Variants in GLOD4 observed in about 807,000 individuals in gnomAD.
GLOD4 encodes glyoxalase domain-containing protein 4.
GLOD4 carries 44 observed loss-of-function variants against 39.1 expected under a neutral mutation model. The observed-to-expected ratio is 1.13, with a 90% CI of 0.88 to 1.45. The LOEUF (loss-of-function observed/expected upper bound fraction) is 1.45. Among genes scored for constraint, GLOD4 ranks in the 40% most tolerant of loss-of-function variants. GLOD4 has a pLI of 0.00. For synonymous variants in GLOD4, 145 were observed against 135.0 expected, an observed-to-expected ratio of 1.07 and a Z score of -0.52; for missense variants, 405 against 366.4, an observed-to-expected ratio of 1.11 and a Z score of -0.86.
At chr17:767,565 AAC>A (rs1439693139) in intron 8 of GLOD4, among the ~76,000 whole-genome samples, 23 of 150,834 alleles carry the variant, frequency 1.5e-4, no homozygotes, top group East Asian at 2.0e-4. Context: ...AAGAGAGAGA[AAC>A]AGCGCACACT....
intron 1 of GLOD4, among the ~76,000 whole-genome samples, chr17:781,396 T>C (rs1301170932): frequency 6.6e-6 from 1 of 152,176 alleles, no homozygotes; most frequent in Non-Finnish European, 1.5e-5. Context: ...CCATGAGCTC[T>C]AATGGAGGAT....
At chr17:769,229 T>C (rs1416607084) in intron 8 of GLOD4, among the ~76,000 whole-genome samples, 3 of 142,120 alleles carry the variant, frequency 2.1e-5, no homozygotes, top group Non-Finnish European at 4.5e-5. Flanking sequence ...GATGGAGGCA[T>C]CTCCACGGGG....
At chr17:760,399 T>G (rs1475794147) in intron 8 of GLOD4, among the ~76,000 whole-genome samples, 161 bp from the exon 9 acceptor site, 1 of 151,930 alleles carries the variant, frequency 6.6e-6, no homozygotes, top group African/African-American at 2.4e-5. Flanking sequence ...TAAAAAAAAT[T>G]TTTTAACATT....
intron 8 of GLOD4, among the ~76,000 whole-genome samples, chr17:761,507 CTTTT>C (rs529154159): frequency 6.6e-6 from 1 of 152,142 alleles, no homozygotes; most frequent in African/African-American, 2.4e-5. Flanking sequence ...CCTAAGAAAG[CTTTT>C]TTTCTTTTTT....
chr17:767,555 A>C (rs60902418), intron 8 of GLOD4, among the ~76,000 whole-genome samples: 3 of 126,720 alleles, frequency 2.4e-5, no homozygotes, highest in Middle Eastern at 5.0e-3. Context: ...GAGAGGACGT[A>C]AGAGAGAGAA....
chr17:764,472 A>G (rs780880942), intron 8 of GLOD4: 2 of 152,240 alleles, frequency 1.3e-5, no homozygotes, highest in Non-Finnish European at 2.9e-5. Flanking sequence ...TTTCTTATAC[A>G]GTAAAAGCAG....
At chr17:765,794 C>A (rs1906428027) in intron 8 of GLOD4, among the ~76,000 whole-genome samples, 1 of 151,578 alleles carries the variant, frequency 6.6e-6, no homozygotes, top group African/African-American at 2.4e-5. Context: ...ACTAAAAATA[C>A]AAAAATTAGC....
chr17:775,276 AAAG>A, intron 4 of GLOD4, among the ~76,000 whole-genome samples: 1 of 152,000 alleles, frequency 6.6e-6, no homozygotes, highest in South Asian at 2.1e-4. Flanking sequence ...AAAAAAGCAA[AAAG>A]AAGTCAGCAT....
At position 776,996 on chromosome 17, in the gene GLOD4, ATAAAAG is replaced by A. The variant is rs1278850182; in HGVS notation, c.141-14_141-9del. 1.2e-6 allele frequency: 2 copies of A among 1,611,630 alleles called. No homozygotes were observed. Among genetic ancestry groups the A allele is most frequent in the Admixed American group, 1.7e-5 (1 of 60,024 alleles). The stretch of plus-strand genomic sequence containing the variant: ...CATTTCCCATCATAAGGCCTAGAAA[ATAAAAG>A]TAAATGAACTCAGTGACTACAGACA... On this transcript the variant is annotated splice_polypyrimidine_tract_variant and intron_variant, in intron 2 of 8. Coordinates refer to ENST00000301329, the MANE Select transcript of GLOD4 (RefSeq NM_016080.4).
At chr17:772,211 A>G (rs1403444439) in intron 4 of GLOD4, among the ~76,000 whole-genome samples, 1 of 127,066 alleles carries the variant, frequency 7.9e-6, no homozygotes, top group Non-Finnish European at 1.7e-5. Flanking sequence ...AAAAAAAAAC[A>G]AAGACAGTAT....
Position 769,613 on chromosome 17 carries a change from G to C in GLOD4, c.831+256C>G, listed in dbSNP as rs188069806. On this transcript the variant is annotated intron_variant, in intron 8 of 8. Transcript: ENST00000301329. ...GGATAGAGGCATCTCCATGTGGAGA[G>C]CAGAATAAGCACAGATCCACCAGCA... is the stretch of plus-strand genomic sequence containing the variant. Among the ~76,000 whole-genome samples the C allele has an allele frequency of 9.9e-4, 150 of 152,242 alleles. 1 individual carries two copies. The highest frequency in any genetic ancestry group is 3.4e-3 in the African/African-American group (143 of 41,526).
intron 8 of GLOD4, among the ~76,000 whole-genome samples, chr17:760,446 A>G (rs1905245673): frequency 6.6e-6 from 1 of 152,238 alleles, no homozygotes; most frequent in South Asian, 2.1e-4. Context: ...GTTATGTTCA[A>G]TAAGGCAAGA....
In GLOD4 at chr17:760,089, A is replaced by C; in HGVS notation, c.*84T>G. 1 of 808,072 alleles carries C rather than the reference A, an allele frequency of 1.2e-6. No individual in the cohort carries two copies. The highest frequency in any genetic ancestry group is 2.2e-6 in the Non-Finnish European group (1 of 452,534). The allele number at this position is 808,072 out of a possible 1,614,324, so 50.1% of individuals were successfully genotyped here. A position where few individuals can be genotyped will look rare whatever the true frequency, so the allele number is the denominator to read the frequency against. ...TTGCCTGTACGGGAAACAAATCAGAAGAGCATTTATTGGGAACTGACACGT... is the reference window on the plus strand; with the variant it reads ...TTGCCTGTACGGGAAACAAATCAGACGAGCATTTATTGGGAACTGACACGT... On this transcript the variant is annotated 3_prime_UTR_variant, in exon 9 of 9. Coordinates refer to ENST00000301329, the MANE Select transcript of GLOD4 (RefSeq NM_016080.4).
rs977763463 is a variant in GLOD4, at chr17:770,433, G to A, written c.618C>T (p.Cys206=). 6 of 1,547,486 alleles carry A rather than the reference G, an allele frequency of 3.9e-6. No homozygotes were observed. The highest frequency in any genetic ancestry group is 3.6e-6 in the Non-Finnish European group (4 of 1,119,028). ...TATCAAGCGTTACCTCTTTCTGGGGGCAAGAGAAGGCAATTCTTCCAAAAG... is the reference window on the plus strand; with the variant it reads ...TATCAAGCGTTACCTCTTTCTGGGGACAAGAGAAGGCAATTCTTCCAAAAG... ...AAAFGRIAFS[C]PQKELPDLED... is the part of the protein sequence containing the mutation. The change falls in exon 6 of 9, where the codon TGC becomes TGT. Residue 206 remains cysteine, a synonymous_variant. Coordinates refer to ENST00000301329, the MANE Select transcript of GLOD4 (RefSeq NM_016080.4).
chr17:785,866 TA>T (rs1216555086), upstream of GLOD4, among the ~76,000 whole-genome samples: 2 of 152,212 alleles, frequency 1.3e-5, no homozygotes, highest in African/African-American at 4.8e-5. Context: ...AACTATTTTT[TA>T]AAAGCCTACC....
Position 782,185 on chromosome 17 carries a change from C to T in GLOD4, c.71G>A (p.Arg24Gln). The change falls in exon 1 of 9, where the codon CGG becomes CAG. Residue 24 changes from arginine (R) to glutamine (Q), a missense_variant. By Grantham distance (43) the Arg-to-Gln change is conservative. Transcript: ENST00000301329. ...GNRFQTARFYRDVLGMKVLRH... is the reference protein window; with the variant it reads ...GNRFQTARFYQDVLGMKVLRH... The stretch of plus-strand genomic sequence containing the variant: ...CTGCACCTTCATCCCCAGGACGTCC[C>T]GATAGAAACGCGCCGTCTGGAAGCG... 4 of 1,608,056 alleles carry T rather than the reference C, an allele frequency of 2.5e-6. No individual in the cohort carries two copies. In the South Asian group the frequency reaches 3.3e-5, roughly 13 times the overall value.
At chr17:776,806 T>G in intron 3 of GLOD4, 62 bp downstream of exon 3, 1 of 1,272,306 alleles carries the variant, frequency 7.9e-7, no homozygotes, top group South Asian at 1.2e-5. Context: ...GGCACTCTAC[T>G]CAAATTTACA....
rs772505963 is a variant in GLOD4 at position 770,435 on chromosome 17, AAGAGAAGGCAATTCTT to A, written c.600_615del (p.Arg201AlafsTer9). 1 of 1,557,478 alleles carries A rather than the reference AAGAGAAGGCAATTCTT, an allele frequency of 6.4e-7. No homozygotes were observed. Among genetic ancestry groups the A allele is most frequent in the Admixed American group, 1.7e-5 (1 of 59,964 alleles). The stretch of plus-strand genomic sequence containing the variant: ...TCAAGCGTTACCTCTTTCTGGGGGC[AAGAGAAGGCAATTCTT>A]CCAAAAGCTGCTGCATGGTCCACCC... On this transcript the variant is annotated frameshift_variant, in exon 6 of 9. Coordinates refer to ENST00000301329, the MANE Select transcript of GLOD4 (RefSeq NM_016080.4). LOFTEE classifies it high-confidence loss of function.
At chr17:771,535 T>C (rs952224158) in intron 4 of GLOD4, 74 bp from the exon 5 acceptor site, 1 of 779,040 alleles carries the variant, frequency 1.3e-6, no homozygotes, top group South Asian at 2.1e-5. Context: ...CATGCGCATG[T>C]ATACTTACAA....
Sources: allele counts gnomAD v4.1 joint callset (sites outside exome capture counted in the v4.1 genomes callset), GRCh38; gene constraint gnomAD v4.1.1; transcripts MANE v1.5; gene names NCBI Gene and HGNC (gene_info 2026-07-23, HGNC 2026-07-21).